Variants in PNPT1 observed in about 807,000 individuals in gnomAD.
PNPT1 encodes the protein polyribonucleotide nucleotidyltransferase 1, mitochondrial.
Under a neutral mutation model 119.5 loss-of-function variants are expected in PNPT1, and 53 were observed. That is an observed-to-expected ratio of 0.44 (90% CI 0.36 to 0.56). The LOEUF is 0.56. PNPT1 is among the 20% of genes least tolerant of loss of function. The pLI, the probability that PNPT1 is intolerant of heterozygous loss-of-function variation, is 0.00. For synonymous variants in PNPT1, 357 were observed against 322.1 expected (o/e 1.11, Z -1.16); for missense variants, 948 against 938.5 (o/e 1.01, Z -0.13).
At chr2:55,653,878 T>C (rs989005604) in intron 18 of PNPT1, among the ~76,000 whole-genome samples, 39 of 152,284 alleles carry the variant, frequency 2.6e-4, no homozygotes, top group African/African-American at 8.4e-4. Context: ...AGAAATCCTT[T>C]TGTGGCCTCT....
intron 1 of PNPT1, among the ~76,000 whole-genome samples, chr2:55,690,451 G>A (rs1005898860): frequency 6.6e-6 from 1 of 152,158 alleles, no homozygotes; most frequent in Non-Finnish European, 1.5e-5. Flanking sequence ...ATGTAGACAG[G>A]CCCAATGCCC....
rs1229984821 is a variant in PNPT1 at position 55,686,433 on chromosome 2, A to C, written c.234T>G (p.Thr78=). 3 of 1,613,520 alleles carry C rather than the reference A, an allele frequency of 1.9e-6. No individual in the cohort carries two copies. The highest frequency in any genetic ancestry group is 2.5e-6 in the Non-Finnish European group (3 of 1,179,714). The change falls in exon 3 of 28, where the codon ACT becomes ACG. Residue 78 remains threonine, a synonymous_variant. Coordinates refer to ENST00000447944, the MANE Select transcript of PNPT1 (RefSeq NM_033109.5). The part of the protein sequence containing the change: ...DGSAVVQSGD[T]AVMVTAVSKT... ...TACTGACCGCTGTGACCATTACTGC[A>C]GTGTCACCTGACTTAAACATAAAGA...
At chr2:55,680,682 A>T in intron 7 of PNPT1, 30 bp downstream of exon 7, 1 of 1,594,718 alleles carries the variant, frequency 6.3e-7, no homozygotes, top group Non-Finnish European at 8.6e-7. Context: ...AAATACACAT[A>T]TGATTTCTTA....
chr2:55,683,944 C>T lies in PNPT1; in HGVS notation c.404-110G>A, dbSNP rs1697322659. ...TTCAATATGTTTTCAAGAAAAATCCCCTTGGACTGATTTACTAAGAGGGAC... is the reference window on the plus strand; with the variant it reads ...TTCAATATGTTTTCAAGAAAAATCCTCTTGGACTGATTTACTAAGAGGGAC... On this transcript the variant is annotated intron_variant, in intron 4 of 27. Coordinates refer to ENST00000447944, the MANE Select transcript of PNPT1 (RefSeq NM_033109.5). The T allele has an allele frequency of 7.9e-6, 8 of 1,008,634 alleles. No individual in the cohort carries two copies. The East Asian group carries it at 2.0e-4, about 25-fold the overall frequency. The allele number at this position is 1,008,634 out of a possible 1,614,324, so 62.5% of individuals were successfully genotyped here. A position where few individuals can be genotyped will look rare whatever the true frequency, so the allele number is the denominator to read the frequency against.
At chr2:55,676,295 A>G (rs916904403) in intron 8 of PNPT1, among the ~76,000 whole-genome samples, 4 of 148,602 alleles carry the variant, frequency 2.7e-5, no homozygotes, top group South Asian at 2.1e-4. Flanking sequence ...GAAGATTGCT[A>G]TAAACTGTCA....
chr2:55,680,459 A>AAAGAGAC (rs1697211573), intron 7 of PNPT1, among the ~76,000 whole-genome samples: 2 of 152,174 alleles, frequency 1.3e-5, no homozygotes, highest in African/African-American at 2.4e-5. Flanking sequence ...CCTCTAACAG[A>AAAGAGAC]AAGAGACAAT....
intron 8 of PNPT1, among the ~76,000 whole-genome samples, chr2:55,674,661 G>C (rs2104134022): frequency 6.6e-6 from 1 of 152,270 alleles, no homozygotes; most frequent in South Asian, 2.1e-4. Context: ...TCCCTCTTGA[G>C]TTTTCTAAAT....
At chr2:55,683,170 T>C (rs1316160448) in intron 5 of PNPT1, among the ~76,000 whole-genome samples, 3 of 152,214 alleles carry the variant, frequency 2.0e-5, no homozygotes, top group Non-Finnish European at 4.4e-5. Flanking sequence ...CTCCACTCAC[T>C]GTAGTCACGC....
intron 3 of PNPT1, among the ~76,000 whole-genome samples, chr2:55,685,532 TAA>T (rs879469960): frequency 5.5e-5 from 8 of 145,330 alleles, no homozygotes; most frequent in Admixed American, 3.5e-4. Flanking sequence ...CCCTGTCTCT[TAA>T]AAAAAAAAAA....
chr2:55,643,508 G>T, intron 23 of PNPT1, 83 bp from the exon 24 acceptor site: 1 of 1,194,718 alleles, frequency 8.4e-7, no homozygotes, highest in Non-Finnish European at 1.2e-6. Context: ...ACTCTGGGGG[G>T]CTGAGGTGGG....
At chr2:55,637,620 C>G (rs375719815) in intron 26 of PNPT1, 21 bp from the exon 27 acceptor site, 1 of 1,574,384 alleles carries the variant, frequency 6.4e-7, no homozygotes, top group Non-Finnish European at 8.7e-7. Context: ...AAATGTTAAT[C>G]TATTAGTTGT....
At chr2:55,657,966 A>C (rs564742936) in intron 15 of PNPT1, among the ~76,000 whole-genome samples, 1 of 144,536 alleles carries the variant, frequency 6.9e-6, no homozygotes, top group Non-Finnish European at 1.5e-5. Flanking sequence ...GGCCGGGCAT[A>C]GTGGCTTATG....
intron 18 of PNPT1, among the ~76,000 whole-genome samples, 174 bp from the exon 19 acceptor site, chr2:55,647,627 C>G (rs571806663): frequency 2.6e-5 from 4 of 152,022 alleles, no homozygotes; most frequent in African/African-American, 9.6e-5. Context: ...TCAAGCAATC[C>G]TCCCACCTCA....
At chr2:55,649,536 C>G (rs1220209404) in intron 18 of PNPT1, among the ~76,000 whole-genome samples, 1 of 152,176 alleles carries the variant, frequency 6.6e-6, no homozygotes, top group Non-Finnish European at 1.5e-5. Flanking sequence ...CTTGCCCTGG[C>G]AACAATCTCC....
chr2:55,641,314 G>A (rs1005829805), intron 25 of PNPT1, among the ~76,000 whole-genome samples: 1 of 140,972 alleles, frequency 7.1e-6, no homozygotes, highest in African/African-American at 2.7e-5. Flanking sequence ...TGCCACCCAG[G>A]CTGGAGTGCA....
intron 8 of PNPT1, among the ~76,000 whole-genome samples, chr2:55,678,272 CAT>C (rs1288327644): frequency 3.3e-5 from 5 of 152,180 alleles, no homozygotes; most frequent in Non-Finnish European, 7.3e-5. Context: ...ATGAGGTAGA[CAT>C]CATCTATTAT....
Position 55,667,843 on chromosome 2 carries a change from CA to C in PNPT1, c.1073+18del. On this transcript the variant is annotated intron_variant, in intron 12 of 27. Coordinates refer to ENST00000447944, the MANE Select transcript of PNPT1 (RefSeq NM_033109.5). ...GAGACAGTGCATACTTCAATTTCAACAAAAAAGGGTATGTTTACCTTTTGTA... is the reference window on the plus strand; with the variant it reads ...GAGACAGTGCATACTTCAATTTCAACAAAAAGGGTATGTTTACCTTTTGTA... 3 of 1,586,084 alleles carry C rather than the reference CA, an allele frequency of 1.9e-6. No individual in the cohort carries two copies. Among genetic ancestry groups the C allele is most frequent in the Admixed American group, 1.9e-5 (1 of 53,444 alleles).
intron 1 of PNPT1, among the ~76,000 whole-genome samples, chr2:55,689,430 T>C (rs1397629688): frequency 6.6e-6 from 1 of 152,228 alleles, no homozygotes; most frequent in Non-Finnish European, 1.5e-5. Context: ...GCATTATTCA[T>C]AATAGTTCCC....
At chr2:55,693,026 T>C (rs569083473) in intron 1 of PNPT1, among the ~76,000 whole-genome samples, 1 of 152,298 alleles carries the variant, frequency 6.6e-6, no homozygotes, top group Admixed American at 6.5e-5. Flanking sequence ...CTCTTTCTGA[T>C]GACCTTGTTC....
Sources: gnomAD v4.1 joint callset for allele counts (sites outside exome capture counted in the v4.1 genomes callset) on GRCh38, gnomAD v4.1.1 for gene constraint, MANE v1.5 for transcripts, NCBI Gene and HGNC (gene_info 2026-07-23, HGNC 2026-07-21) for gene names.